The following PPRC1 variants were observed in gnomAD, a reference collection of about 807,000 sequenced individuals.
PPRC1 encodes peroxisome proliferator-activated receptor gamma coactivator-related protein 1.
A neutral mutation model predicts 132.5 loss-of-function variants in PPRC1; 23 were observed. That is an observed-to-expected ratio of 0.17 (90% confidence interval 0.12 to 0.25). The LOEUF (loss-of-function observed/expected upper bound fraction) is 0.25. PPRC1 is among the 10% of genes least tolerant of loss of function. The pLI, the probability that PPRC1 is intolerant of heterozygous loss-of-function variation, is 1.00. For synonymous variants in PPRC1, 872 were observed against 833.5 expected (o/e 1.05, Z -0.80); for missense variants, 2,006 against 2,089.1 (o/e 0.96, Z 0.78).
In PPRC1 at chr10:102,148,321, G is replaced by C. The variant is rs1462553793; in HGVS notation, c.4401-51G>C. 1.0e-5 allele frequency: 16 copies of C among 1,593,606 alleles called. No homozygotes were observed. The highest frequency in any genetic ancestry group is 1.4e-5 in the Non-Finnish European group (16 of 1,169,302). The stretch of plus-strand genomic sequence containing the variant: ...GACTGGGGCCTGGGTGAGATAAGCA[G>C]AGTATACCTGAACCACTCCCAGCAT... On this transcript the variant is annotated intron_variant, in intron 9 of 13. Coordinates refer to ENST00000278070, the MANE Select transcript of PPRC1 (RefSeq NM_015062.5). The surrounding 1 kb of genome is among the most constrained non-coding windows in gnomAD (Gnocchi z 4.2).
intron 2 of PPRC1, 79 bp downstream of exon 2, chr10:102,138,117 C>T (rs938046647): frequency 2.1e-6 from 3 of 1,446,404 alleles, no homozygotes; most frequent in East Asian, 2.4e-5. Flanking sequence ...TGGCATGGCT[C>T]TGCTCTCCCA....
At chr10:102,128,329 G>A (rs1156434715), upstream of PPRC1, among the ~76,000 whole-genome samples, 1 of 152,030 alleles carries the variant, frequency 6.6e-6, no homozygotes, top group African/African-American at 2.4e-5. Context: ...TAGTAGAGAC[G>A]GGGTTTCACC....
intron 1 of PPRC1, among the ~76,000 whole-genome samples, chr10:102,135,062 C>T (rs2068670948): frequency 1.3e-5 from 2 of 152,246 alleles, no homozygotes; most frequent in African/African-American, 2.4e-5. Flanking sequence ...GGTCTTTATC[C>T]CTCAGGATCT....
the PPRC1 span, among the ~76,000 whole-genome samples, chr10:102,126,311 T>C: frequency 6.7e-6 from 1 of 150,324 alleles, no homozygotes; most frequent in African/African-American, 2.4e-5. Flanking sequence ...TATTGTACTT[T>C]AGCTTGAATG....
At chr10:102,144,790 G>A (rs184404313) in intron 7 of PPRC1, 2 of 548,996 alleles carry the variant, frequency 3.6e-6, no homozygotes, top group African/African-American at 1.9e-5. Flanking sequence ...GAGGTGGGGG[G>A]TATTCAAGGT....
intron 5 of PPRC1, 66 bp from the exon 6 acceptor site, chr10:102,142,979 T>C: frequency 7.0e-7 from 1 of 1,420,544 alleles, no homozygotes; most frequent in Non-Finnish European, 9.8e-7. Flanking sequence ...ATTTGGGGGC[T>C]TCCTGGGACC....
chr10:102,133,633 G>A (rs954671114), intron 1 of PPRC1, among the ~76,000 whole-genome samples: 2 of 152,040 alleles, frequency 1.3e-5, no homozygotes, highest in Non-Finnish European at 2.9e-5. Flanking sequence ...CCTCTAGGCG[G>A]CCCGGGCATC....
intron 1 of PPRC1, among the ~76,000 whole-genome samples, chr10:102,137,253 C>T (rs569226486): frequency 1.3e-5 from 2 of 152,124 alleles, no homozygotes; most frequent in South Asian, 2.1e-4. Flanking sequence ...GCAGGAGAAT[C>T]GCTTGAACCC....
At chr10:102,127,909 G>C in the PPRC1 span, among the ~76,000 whole-genome samples, 1 of 151,998 alleles carries the variant, frequency 6.6e-6, no homozygotes, top group African/African-American at 2.4e-5. Flanking sequence ...GAGTGGTCTT[G>C]AACTCCTGGG....
rs1331517673 is a variant in PPRC1 at position 102,141,576 on chromosome 10, C to T, written c.3068C>T (p.Ala1023Val). ...QPKMESRGTP[A>V]GPPENVLPLS... Reference sequence around the variant, plus strand: ...AAAATGGAGTCTAGGGGCACTCCAGCTGGCCCTCCTGAAAATGTACTTCCC... The same window carrying T: ...AAAATGGAGTCTAGGGGCACTCCAGTTGGCCCTCCTGAAAATGTACTTCCC... The change falls in exon 5 of 14, where the codon GCT becomes GTT. Residue 1023 changes from alanine (A) to valine (V), a missense_variant. Ala to Val is a moderately conservative substitution (Grantham distance 64, BLOSUM62 0). Transcript: ENST00000278070. The T allele has an allele frequency of 3.7e-6, 6 of 1,614,150 alleles. No individual in the cohort carries two copies. Among genetic ancestry groups the T allele is most frequent in the East Asian group, 4.5e-5 (2 of 44,880 alleles).
the PPRC1 span, among the ~76,000 whole-genome samples, chr10:102,121,724 G>A: frequency 6.6e-6 from 1 of 152,110 alleles, no homozygotes. Flanking sequence ...AGGGATAGAC[G>A]ATGGAGACTT....
At position 102,143,093 on chromosome 10, in the gene PPRC1, CAGA is replaced by C; in HGVS notation, c.3548_3550del (p.Glu1183del). 1.9e-6 allele frequency: 3 copies of C among 1,612,860 alleles called. No homozygotes were observed. The highest frequency in any genetic ancestry group is 8.5e-7 in the Non-Finnish European group (1 of 1,178,890). On this transcript the variant is annotated inframe_deletion and splice_region_variant, in exon 6 of 14. Coordinates refer to ENST00000278070, the MANE Select transcript of PPRC1 (RefSeq NM_015062.5). ...AGTCTGCTGGAGCAGTTTGAGAAAT[CAGA>C]AGGTGAGGGAACATGGGTAGTTTTG...
At position 102,147,107 on chromosome 10, in the gene PPRC1, C is replaced by T; in HGVS notation, c.4115C>T (p.Pro1372Leu). ...GATCCCTCAGCACCCTGCCTTGCCC[C>T]ATCCAGCTTGCTGTCCCCTGAGGCC... ...QADPSAPCLA[P>L]SSLLSPEASP... Residue 1372 changes from proline (P) to leucine (L), a missense_variant, in exon 9 of 14, where the codon CCA (proline) becomes CTA (leucine). Physicochemically the swap from Pro to Leu is moderately conservative, Grantham distance 98. Coordinates refer to ENST00000278070, the MANE Select transcript of PPRC1 (RefSeq NM_015062.5). 6.2e-7 allele frequency: 1 copy of T among 1,614,210 alleles called. No homozygotes were observed. Among genetic ancestry groups the T allele is most frequent in the Non-Finnish European group, 8.5e-7 (1 of 1,180,038 alleles).
At chr10:102,149,553 A>T (rs2133736995) in intron 13 of PPRC1, among the ~76,000 whole-genome samples, 1 of 152,290 alleles carries the variant, frequency 6.6e-6, no homozygotes, top group African/African-American at 2.4e-5. Context: ...CAACATGATG[A>T]AACCCCATCT....
chr10:102,139,971 C>T lies in PPRC1; in HGVS notation c.1463C>T (p.Thr488Ile), dbSNP rs1353287604. 4 of 1,614,124 alleles carry T rather than the reference C, an allele frequency of 2.5e-6. No individual in the cohort carries two copies. The highest frequency in any genetic ancestry group is 1.6e-4 in the Middle Eastern group (1 of 6,084). ...AGGTCATCTTCTCGCGGGCAGTCTA[C>T]TGTAGGTACAGAAGTGACCTCTCAG... ...RLRSSSRGQS[T>I]VGTEVTSQVD... The change falls in exon 5 of 14, where the codon ACT (threonine) becomes ATT (isoleucine). Residue 488 changes from threonine (T) to isoleucine (I), a missense_variant. Physicochemically the swap from Thr to Ile is moderately conservative, Grantham distance 89. This residue lies in a region of PPRC1 where 1,914 missense variants were observed against 1,917.2 expected (regional missense o/e 1.00). Transcript: ENST00000278070.
At chr10:102,144,946 A>G (rs2069154084) in intron 7 of PPRC1, 74 bp from the exon 8 acceptor site, 2 of 1,207,590 alleles carry the variant, frequency 1.7e-6, no homozygotes, top group Non-Finnish European at 2.4e-6. Context: ...CCTCCCATTG[A>G]TTTCTGAGAA....
chr10:102,123,035 C>T, the PPRC1 span, among the ~76,000 whole-genome samples: 1 of 152,154 alleles, frequency 6.6e-6, no homozygotes, highest in Non-Finnish European at 1.5e-5. Flanking sequence ...CACCTTAGTT[C>T]TAGCTTCACC....
chr10:102,125,576 T>C, the PPRC1 span, among the ~76,000 whole-genome samples: 2 of 151,782 alleles, frequency 1.3e-5, no homozygotes, highest in Non-Finnish European at 2.9e-5. Context: ...TATTTTTCAA[T>C]ACTAGTCATT....
rs1238489276 is a variant in PPRC1, at chr10:102,143,088, G to A, written c.3540G>A (p.Glu1180=). ...TGTCCAGTCTGCTGGAGCAGTTTGA[G>A]AAATCAGAAGGTGAGGGAACATGGG... The part of the protein sequence containing the change: ...SDLSSLLEQF[E]KSEAKKECPP... The change falls in exon 6 of 14, where the codon GAG becomes GAA. Residue 1180 remains glutamate, a synonymous_variant. Transcript: ENST00000278070. 1 of 1,613,146 alleles carries A rather than the reference G, an allele frequency of 6.2e-7. No individual in the cohort carries two copies. Among genetic ancestry groups the A allele is most frequent in the Non-Finnish European group, 8.5e-7 (1 of 1,179,204 alleles).
Sources: allele counts gnomAD v4.1 joint callset (sites outside exome capture counted in the v4.1 genomes callset), GRCh38; gene constraint gnomAD v4.1.1; regional missense constraint gnomAD v4.1.1; non-coding constraint Gnocchi (gnomAD v3.1); transcripts MANE v1.5; gene names NCBI Gene and HGNC (gene_info 2026-07-23, HGNC 2026-07-21).